Variants in ULK4 observed in about 807,000 individuals in gnomAD.
The protein encoded by ULK4 is unc-51 like kinase 4, also known as inactive serine/threonine-protein kinase ULK4.
ULK4 carries 133 observed loss-of-function variants against 160.6 expected under a neutral mutation model. That is an observed-to-expected ratio of 0.83 (90% CI 0.72 to 0.96). ULK4 has a LOEUF of 0.96. ULK4 is among the 40% of genes least tolerant of loss of function. The probability of loss-of-function intolerance (pLI) is 0.00; values close to 1 mark genes in which losing one functional copy is unlikely to be tolerated. For missense variants in ULK4, 1,580 were observed against 1,499.5 expected (o/e 1.05, Z -0.89); for synonymous variants, 534 against 539.8 (o/e 0.99, Z 0.15).
rs1047622408 is a variant in ULK4, at chr3:41,395,032, C to G, written c.3678+3047G>C. On this transcript the variant is annotated intron_variant, in intron 35 of 36. Coordinates refer to ENST00000301831, the MANE Select transcript of ULK4 (RefSeq NM_017886.4). ...GGCTATTTCTGTTATTGTTGCTAAG[C>G]AAACAGTTGTTGTGATCCCAATGCA... Among the ~76,000 whole-genome samples, 23 of 152,172 alleles carry G rather than the reference C, an allele frequency of 1.5e-4. 1 individual carries two copies. The highest frequency in any genetic ancestry group is 2.6e-4 in the Non-Finnish European group (18 of 68,002).
chr3:41,416,346 C>A (rs998315360), intron 34 of ULK4, among the ~76,000 whole-genome samples: 1 of 152,114 alleles, frequency 6.6e-6, no homozygotes, highest in African/African-American at 2.4e-5. Flanking sequence ...GAAGTGACCA[C>A]CACAGGTCCT....
chr3:41,438,682 C>T (rs918302897), intron 34 of ULK4, among the ~76,000 whole-genome samples: 1 of 151,852 alleles, frequency 6.6e-6, no homozygotes, highest in African/African-American at 2.4e-5. Context: ...ACAAACTTGG[C>T]CAGGCATTGT....
At chr3:41,954,323 C>A (rs1224885008) in intron 2 of ULK4, among the ~76,000 whole-genome samples, 1 of 149,798 alleles carries the variant, frequency 6.7e-6, no homozygotes, top group Non-Finnish European at 1.5e-5. Context: ...GCACTCCAGT[C>A]TGGGCAACAG....
chr3:41,630,027 T>G (rs1431474186), intron 30 of ULK4, among the ~76,000 whole-genome samples: 1 of 152,132 alleles, frequency 6.6e-6, no homozygotes, highest in African/African-American at 2.4e-5. Context: ...AGCACTAGCC[T>G]ACGTAACCAG....
chr3:41,706,918 A>T (rs1433393472), intron 25 of ULK4, among the ~76,000 whole-genome samples: 1 of 141,946 alleles, frequency 7.0e-6, no homozygotes, highest in Non-Finnish European at 1.5e-5. Context: ...GAGAGAGAAT[A>T]GAATCTATGT....
intron 3 of ULK4, chr3:41,937,268 C>G: frequency 3.1e-6 from 2 of 648,952 alleles, no homozygotes; most frequent in Non-Finnish European, 5.6e-6. Context: ...AAGCAAAAAA[C>G]TAATTCCAGG....
At chr3:41,851,515 C>A (rs1023356159) in intron 17 of ULK4, among the ~76,000 whole-genome samples, 2 of 152,126 alleles carry the variant, frequency 1.3e-5, no homozygotes, top group African/African-American at 4.8e-5. Flanking sequence ...CGATGTTCAT[C>A]AGGGATATTG....
intron 30 of ULK4, among the ~76,000 whole-genome samples, chr3:41,616,233 G>A (rs2032955219): frequency 6.6e-6 from 1 of 152,110 alleles, no homozygotes; most frequent in Non-Finnish European, 1.5e-5. Flanking sequence ...GTTATCAATT[G>A]TCATCAATTG....
At chr3:41,554,714 A>G (rs1339225545) in intron 32 of ULK4, among the ~76,000 whole-genome samples, 1 of 152,156 alleles carries the variant, frequency 6.6e-6, no homozygotes, top group Non-Finnish European at 1.5e-5. Flanking sequence ...GAAGATTTGA[A>G]ATGTTCCCAA....
intron 1 of ULK4, 59 bp from the exon 2 acceptor site, chr3:41,954,866 C>A: frequency 1.8e-6 from 2 of 1,142,530 alleles, no homozygotes; most frequent in Non-Finnish European, 2.5e-6. Flanking sequence ...ATTAATTAGC[C>A]TAGGATAATT....
chr3:41,273,507 G>A (rs2079175025), intron 35 of ULK4, among the ~76,000 whole-genome samples: 1 of 152,110 alleles, frequency 6.6e-6, no homozygotes, highest in Non-Finnish European at 1.5e-5. Context: ...CATTTCCAGG[G>A]TTCCGCTCCA....
intron 17 of ULK4, among the ~76,000 whole-genome samples, chr3:41,842,804 C>T (rs1031086178): frequency 3.9e-5 from 6 of 152,088 alleles, no homozygotes; most frequent in African/African-American, 1.4e-4. Flanking sequence ...AACAGGCTAA[C>T]ACAGGCATTA....
chr3:41,734,187 C>T (rs945316338), intron 22 of ULK4, among the ~76,000 whole-genome samples: 19 of 151,938 alleles, frequency 1.3e-4, no homozygotes, highest in Non-Finnish European at 2.5e-4. Flanking sequence ...GCAGTCTAGA[C>T]GGAAAGTAGG....
intron 32 of ULK4, among the ~76,000 whole-genome samples, chr3:41,509,352 T>C (rs1001029508): frequency 1.1e-4 from 16 of 152,162 alleles, no homozygotes; most frequent in African/African-American, 1.9e-4. Context: ...CTAAGAATAA[T>C]TGGTGTTCCT....
Position 41,559,941 on chromosome 3 carries a change from C to T in ULK4, c.3226+6084G>A, listed in dbSNP as rs185061504. Among the ~76,000 whole-genome samples, 5 of 152,218 alleles carry T rather than the reference C, an allele frequency of 3.3e-5. No homozygotes were observed. The East Asian group carries it at 9.6e-4, about 29-fold the overall frequency. ...GGTGTTTTAGTCATGAAGCCCTTGC[C>T]CATGCCTATGTCCTAAATGGTATTG... On this transcript the variant is annotated intron_variant, in intron 32 of 36. Transcript: ENST00000301831.
At chr3:41,548,857 T>A (rs1244826318) in intron 32 of ULK4, among the ~76,000 whole-genome samples, 1 of 151,906 alleles carries the variant, frequency 6.6e-6, no homozygotes, top group African/African-American at 2.4e-5. Flanking sequence ...GGCATCTCCA[T>A]CCCCCAGCAA....
chr3:41,825,408 C>A (rs901429337), intron 18 of ULK4, among the ~76,000 whole-genome samples: 10 of 150,712 alleles, frequency 6.6e-5, no homozygotes, highest in African/African-American at 2.5e-4. Flanking sequence ...AAGTTAAAAA[C>A]CTTGAAAAAA....
chr3:41,866,063 TAC>T (rs1329326697), intron 17 of ULK4, among the ~76,000 whole-genome samples: 2 of 145,340 alleles, frequency 1.4e-5, no homozygotes, highest in Non-Finnish European at 3.0e-5. Context: ...TACAGATGTT[TAC>T]ACAGACAAGA....
intron 17 of ULK4, among the ~76,000 whole-genome samples, chr3:41,839,252 A>G (rs566857638): frequency 6.6e-6 from 1 of 152,096 alleles, no homozygotes; most frequent in African/African-American, 2.4e-5. Flanking sequence ...AGGCAGGAGA[A>G]TCACTTGAAC....
Sources: gnomAD v4.1 joint callset for allele counts (sites outside exome capture counted in the v4.1 genomes callset) on GRCh38, gnomAD v4.1.1 for gene constraint, MANE v1.5 for transcripts, NCBI Gene and HGNC (gene_info 2026-07-23, HGNC 2026-07-21) for gene names.